HEMK2: variants seen among roughly 807,000 people sequenced by gnomAD.
The protein encoded by HEMK2 is HemK methyltransferase 2, ETF1 glutamine and histone H4 lysine, also known as methyltransferase HEMK2.
the HEMK2 span, among the ~76,000 whole-genome samples, chr21:28,649,228 T>G: frequency 6.6e-6 from 1 of 152,056 alleles, no homozygotes; most frequent in East Asian, 1.9e-4. Context: ...CCCCTTAAAG[T>G]CATATCACTT....
At chr21:28,718,527 G>A in the HEMK2 span, among the ~76,000 whole-genome samples, 1 of 152,036 alleles carries the variant, frequency 6.6e-6, no homozygotes, top group African/African-American at 2.4e-5. Flanking sequence ...GGATGTTGAA[G>A]TCTCTAACTA....
At chr21:28,716,297 T>C in the HEMK2 span, among the ~76,000 whole-genome samples, 483 of 152,338 alleles carry the variant, frequency 3.2e-3, 2 homozygotes, top group Middle Eastern at 0.014. Context: ...ATGTTATCTA[T>C]GATTTCTTTC....
chr21:28,779,795 T>C, the HEMK2 span, among the ~76,000 whole-genome samples: 1 of 152,180 alleles, frequency 6.6e-6, no homozygotes, highest in Non-Finnish European at 1.5e-5. Flanking sequence ...GATGCAGGAA[T>C]TTAACTCCAA....
the HEMK2 span, among the ~76,000 whole-genome samples, chr21:28,790,263 G>A: frequency 6.6e-6 from 1 of 152,122 alleles, no homozygotes; most frequent in Non-Finnish European, 1.5e-5. Context: ...CAATAAACTA[G>A]GAATATTTTT....
chr21:28,594,312 C>A, the HEMK2 span, among the ~76,000 whole-genome samples: 1 of 152,120 alleles, frequency 6.6e-6, no homozygotes, highest in South Asian at 2.1e-4. Context: ...CAGGGAAAGA[C>A]TAACGGAATC....
the HEMK2 span, among the ~76,000 whole-genome samples, chr21:28,659,042 T>C: frequency 2.0e-5 from 3 of 152,140 alleles, no homozygotes; most frequent in African/African-American, 4.8e-5. Flanking sequence ...GTCAAAAATA[T>C]TGATTGCTTT....
the HEMK2 span, among the ~76,000 whole-genome samples, chr21:28,781,773 C>T: frequency 3.9e-5 from 6 of 152,196 alleles, no homozygotes; most frequent in South Asian, 2.1e-4. Context: ...TATCCACCCA[C>T]ATGGCTGATC....
chr21:28,852,782 T>C, the HEMK2 span, among the ~76,000 whole-genome samples: 284 of 152,348 alleles, frequency 1.9e-3, 1 homozygote, highest in South Asian at 5.2e-3. Flanking sequence ...TCTGCTTATA[T>C]AAATTAAGTA....
At chr21:28,677,394 G>A in the HEMK2 span, among the ~76,000 whole-genome samples, 1 of 152,196 alleles carries the variant, frequency 6.6e-6, no homozygotes, top group Non-Finnish European at 1.5e-5. Context: ...AAACAAAGCG[G>A]CTGGGAAGCT....
At chr21:28,810,070 T>G in the HEMK2 span, among the ~76,000 whole-genome samples, 1 of 152,180 alleles carries the variant, frequency 6.6e-6, no homozygotes, top group Non-Finnish European at 1.5e-5. Flanking sequence ...TATCCGTAGA[T>G]TCCCTCAGCC....
At chr21:28,588,611 A>C in the HEMK2 span, among the ~76,000 whole-genome samples, 2 of 152,218 alleles carry the variant, frequency 1.3e-5, no homozygotes, top group Admixed American at 1.3e-4. Context: ...AAAGTTGAAA[A>C]ACATACAAAG....
At chr21:28,804,288 C>T in the HEMK2 span, among the ~76,000 whole-genome samples, 4 of 152,278 alleles carry the variant, frequency 2.6e-5, 1 homozygote, top group South Asian at 8.3e-4. Context: ...GACTTTGGTA[C>T]TGCTTATGTT....
the HEMK2 span, among the ~76,000 whole-genome samples, chr21:28,877,290 AAGGAAGGAAG>A: frequency 8.2e-5 from 8 of 97,114 alleles, no homozygotes; most frequent in Non-Finnish European, 1.4e-4. Context: ...GGAAGGAAGG[AAGGAAGGAAG>A]AGAGAGAGAA....
the HEMK2 span, among the ~76,000 whole-genome samples, chr21:28,844,923 A>G: frequency 6.6e-6 from 1 of 152,036 alleles, no homozygotes; most frequent in Non-Finnish European, 1.5e-5. Context: ...ATCAGTTACA[A>G]ATATTTGTTG....
chr21:28,818,625 T>C, the HEMK2 span, among the ~76,000 whole-genome samples: 1 of 152,104 alleles, frequency 6.6e-6, no homozygotes, highest in African/African-American at 2.4e-5. Context: ...TTTCAGCAAA[T>C]CCATATCTTA....
At chr21:28,783,630 C>T in the HEMK2 span, among the ~76,000 whole-genome samples, 1 of 152,362 alleles carries the variant, frequency 6.6e-6, no homozygotes, top group South Asian at 2.1e-4. Flanking sequence ...TTGGCACCTC[C>T]TCGGCCTCGG....
At chr21:28,697,891 C>T in the HEMK2 span, among the ~76,000 whole-genome samples, 1 of 149,738 alleles carries the variant, frequency 6.7e-6, no homozygotes, top group African/African-American at 2.5e-5. Context: ...GACTTGTAAA[C>T]AATGGGAATT....
chr21:28,590,287 C>A, the HEMK2 span, among the ~76,000 whole-genome samples: 6 of 152,056 alleles, frequency 3.9e-5, no homozygotes, highest in African/African-American at 1.4e-4. Flanking sequence ...AAACTGGACA[C>A]CAGTGTAAGC....
chr21:28,656,848 C>A, the HEMK2 span, among the ~76,000 whole-genome samples: 8 of 152,026 alleles, frequency 5.3e-5, no homozygotes, highest in Non-Finnish European at 1.0e-4. Flanking sequence ...TTTTACTTGA[C>A]CATTGTGTAA....
Sources: allele counts gnomAD v4.1 joint callset (sites outside exome capture counted in the v4.1 genomes callset), GRCh38; gene constraint gnomAD v4.1.1; transcripts MANE v1.5; gene names NCBI Gene and HGNC (gene_info 2026-07-23, HGNC 2026-07-21).